The following TOX4 variants were observed in gnomAD, a reference collection of about 807,000 sequenced individuals.
The protein encoded by TOX4 is TOX high mobility group box family member 4.
Under a neutral mutation model 61.0 loss-of-function variants are expected in TOX4, and 12 were observed. The ratio of observed to expected loss-of-function variants is 0.20; its 90% CI spans 0.13 to 0.32. TOX4 has a LOEUF of 0.32. TOX4 is among the 10% of genes least tolerant of loss of function. TOX4 has a pLI of 1.00. For synonymous variants in TOX4, 268 were observed against 274.8 expected, an observed-to-expected ratio of 0.98 and a Z score of 0.24; for missense variants, 499 against 753.3, an observed-to-expected ratio of 0.66 and a Z score of 3.95.
intron 2 of TOX4, among the ~76,000 whole-genome samples, chr14:21,479,310 C>T (rs148028678): frequency 4.8e-4 from 72 of 148,920 alleles, no homozygotes; most frequent in African/African-American, 1.7e-3. Flanking sequence ...GCTTGGGCAA[C>T]GTGATCAAAC....
chr14:21,489,245 A>G lies in TOX4; in HGVS notation c.652A>G (p.Lys218Glu). Residue 218 changes from lysine to glutamate, a missense_variant, in exon 5 of 9, where the codon AAA becomes GAA. Physicochemically the swap from Lys to Glu is moderately conservative, Grantham distance 56 (BLOSUM62 1). Around this residue, in one of 7 missense-constraint regions of TOX4, gnomAD observed 61 missense variants for 76.1 expected, o/e 0.80. Transcript: ENST00000448790. Reference sequence around the variant, plus strand: ...GAAGGCCCCAAAGAAGAGAAAAAAGAAAGATCCTAATGAACCTCAGAAACC... The same window carrying G: ...GAAGGCCCCAAAGAAGAGAAAAAAGGAAGATCCTAATGAACCTCAGAAACC... Reference protein sequence around the residue: ...KQKAPKKRKKKDPNEPQKPVS... With the variant: ...KQKAPKKRKKEDPNEPQKPVS... 1 of 1,614,198 alleles carries G rather than the reference A, an allele frequency of 6.2e-7. No homozygotes were observed. Among genetic ancestry groups the G allele is most frequent in the Non-Finnish European group, 8.5e-7 (1 of 1,180,036 alleles).
intron 7 of TOX4, among the ~76,000 whole-genome samples, chr14:21,494,478 T>A (rs984792198): frequency 1.3e-5 from 2 of 152,116 alleles, no homozygotes; most frequent in Non-Finnish European, 2.9e-5. Flanking sequence ...CTGGAAGCGG[T>A]GGCTCACGCC....
rs1016102993 is a variant in TOX4, at chr14:21,480,931, A to G, written c.75+3367A>G. On this transcript the variant is annotated intron_variant, in intron 2 of 8. Coordinates refer to ENST00000448790, the MANE Select transcript of TOX4 (RefSeq NM_014828.4). ...CATGGAGAAACCCCTTCTCTACTAA[A>G]AATACAAAATTAGCCGGGTGTGGCA... Among the ~76,000 whole-genome samples the G allele has an allele frequency of 5.3e-5, 8 of 152,060 alleles. No individual in the cohort carries two copies. In the East Asian group the frequency reaches 1.5e-3, roughly 29 times the overall value.
rs376253793 is a variant in TOX4 at position 21,487,713 on chromosome 14, C to T, written c.318+20C>T. The T allele has an allele frequency of 2.5e-6, 4 of 1,596,912 alleles. No homozygotes were observed. Among genetic ancestry groups the T allele is most frequent in the East Asian group, 2.2e-5 (1 of 44,568 alleles). On this transcript the variant is annotated intron_variant, in intron 3 of 8. Transcript: ENST00000448790. ...ACCATGGTAAGGGGCAAGACATTGT[C>T]AGGCTTACCCCAGCTAATGGGCATG...
intron 5 of TOX4, among the ~76,000 whole-genome samples, chr14:21,489,861 A>G (rs918937409): frequency 9.3e-5 from 14 of 150,560 alleles, no homozygotes; most frequent in African/African-American, 2.9e-4. Context: ...GATTACAGGC[A>G]TGAGCCACTG....
intron 2 of TOX4, among the ~76,000 whole-genome samples, chr14:21,483,822 G>A (rs568280808): frequency 4.1e-4 from 63 of 152,126 alleles, no homozygotes; most frequent in African/African-American, 1.4e-3. Context: ...GTGTGTGCGC[G>A]TGTGAGACAG....
At position 21,484,329 on chromosome 14, in the gene TOX4, CTTTTTTTTTTTTTTTTTTTTT is replaced by C. The variant is rs533570141; in HGVS notation, c.76-3105_76-3085del. On this transcript the variant is annotated intron_variant, in intron 2 of 8. Transcript: ENST00000448790. ...CTGGAAATTTTCTTTCTAGCAATGT[CTTTTTTTTTTTTTTTTTTTTT>C]TTTTTTTTTTTTTTTTGAGACAGAG... is the stretch of plus-strand genomic sequence containing the variant. Among the ~76,000 whole-genome samples, 26 of 44,234 alleles carry C rather than the reference CTTTTTTTTTTTTTTTTTTTTT, an allele frequency of 5.9e-4. 1 individual carries two copies. Among genetic ancestry groups the C allele is most frequent in the Middle Eastern group, 0.023 (1 of 44 alleles). 29.0% of individuals were successfully genotyped at this position (44,234 alleles called of 152,430 possible). A position where few individuals can be genotyped will look rare whatever the true frequency, so the allele number is the denominator to read the frequency against.
intron 2 of TOX4, among the ~76,000 whole-genome samples, chr14:21,481,004 C>T (rs8004916): frequency 0.5 from 76,331 of 151,886 alleles, 19,357 homozygotes; most frequent in East Asian, 0.63. Flanking sequence ...GCAGGAGAAT[C>T]GCTTGAACCT....
chr14:21,495,089 A>G (rs1891372476), intron 7 of TOX4, 140 bp from the exon 8 acceptor site: 2 of 855,518 alleles, frequency 2.3e-6, no homozygotes, highest in Admixed American at 2.4e-5. Context: ...CCAAGAACTC[A>G]CCTTCTTCTG....
chr14:21,478,311 G>T (rs1891042984), intron 2 of TOX4, among the ~76,000 whole-genome samples: 1 of 152,202 alleles, frequency 6.6e-6, no homozygotes. Context: ...GCTAATGTCA[G>T]GAGGAAAGGA....
intron 2 of TOX4, among the ~76,000 whole-genome samples, chr14:21,485,578 C>CA (rs763582201): frequency 0.027 from 2,125 of 78,990 alleles, 530 homozygotes; most frequent in Middle Eastern, 0.045. Flanking sequence ...GACTCTATCT[C>CA]AAAAAAAAAA....
At chr14:21,481,352 T>A (rs941347929) in intron 2 of TOX4, among the ~76,000 whole-genome samples, 1 of 152,190 alleles carries the variant, frequency 6.6e-6, no homozygotes, top group African/African-American at 2.4e-5. Context: ...CTAATTTTTG[T>A]ATTTTTGGTA....
chr14:21,495,131 T>C, intron 7 of TOX4, 98 bp from the exon 8 acceptor site: 1 of 1,383,900 alleles, frequency 7.2e-7, no homozygotes. Context: ...GGAATTCTAA[T>C]ACCTGTTGCT....
intron 8 of TOX4, 149 bp downstream of exon 8, chr14:21,495,541 T>A (rs749436040): frequency 4.6e-6 from 4 of 870,556 alleles, no homozygotes; most frequent in Non-Finnish European, 6.8e-6. Flanking sequence ...AAAGCTCCCC[T>A]GCTTAAGAGC....
Position 21,499,021 on chromosome 14 carries a change from T to C in TOX4, c.*2415T>C. ...AGGACTAGCCTGTTCTCTGGTCACC[T>C]TACCAGTTGGGTTGCACATTGTGTG... is the stretch of plus-strand genomic sequence containing the variant. On this transcript the variant is annotated 3_prime_UTR_variant, in exon 9 of 9. Coordinates refer to ENST00000448790, the MANE Select transcript of TOX4 (RefSeq NM_014828.4). 6.2e-7 allele frequency: 1 copy of C among 1,607,674 alleles called. No homozygotes were observed. The highest frequency in any genetic ancestry group is 1.7e-4 in the Middle Eastern group (1 of 6,052).
chr14:21,482,278 A>G (rs1476944821), intron 2 of TOX4, among the ~76,000 whole-genome samples: 1 of 152,170 alleles, frequency 6.6e-6, no homozygotes, highest in Admixed American at 6.5e-5. Context: ...CCAGTTCATT[A>G]TTTCTGGCTA....
At chr14:21,480,458 T>A (rs890405195) in intron 2 of TOX4, among the ~76,000 whole-genome samples, 2 of 152,186 alleles carry the variant, frequency 1.3e-5, no homozygotes, top group Non-Finnish European at 2.9e-5. Context: ...TGTTTATAAC[T>A]TTTATTTTAA....
chr14:21,483,843 T>C (rs1891151209), intron 2 of TOX4, among the ~76,000 whole-genome samples: 1 of 152,124 alleles, frequency 6.6e-6, no homozygotes, highest in Non-Finnish European at 1.5e-5. Context: ...AGTCTTGCTC[T>C]GTCATCCAGG....
chr14:21,489,069 C>T (rs1594428510), intron 4 of TOX4, 104 bp from the exon 5 acceptor site: 1 of 1,317,208 alleles, frequency 7.6e-7, no homozygotes, highest in East Asian at 2.4e-5. Flanking sequence ...AATGCTATTT[C>T]TATGATTTTT....
Sources: allele counts gnomAD v4.1 joint callset (sites outside exome capture counted in the v4.1 genomes callset), GRCh38; gene constraint gnomAD v4.1.1; regional missense constraint gnomAD v4.1.1; transcripts MANE v1.5; gene names NCBI Gene and HGNC (gene_info 2026-07-23, HGNC 2026-07-21).